R3HDM2: variants seen among roughly 807,000 people sequenced by gnomAD.
R3HDM2 encodes R3H domain-containing protein 2.
Under a neutral mutation model 124.5 loss-of-function variants are expected in R3HDM2, and 38 were observed. That is an observed-to-expected ratio of 0.31 (90% CI 0.24 to 0.40). The LOEUF (loss-of-function observed/expected upper bound fraction) is 0.40. Among genes scored for constraint, R3HDM2 ranks in the 10% least tolerant of loss-of-function variants. The pLI is 1.00. For synonymous variants in R3HDM2, 391 were observed against 448.0 expected (o/e 0.87, Z 1.61); for missense variants, 869 against 1,236.9 (o/e 0.70, Z 4.46).
intron 2 of R3HDM2, among the ~76,000 whole-genome samples, chr12:57,365,733 C>T (rs1032314436): frequency 1.3e-5 from 2 of 152,008 alleles, no homozygotes; most frequent in East Asian, 3.8e-4. Flanking sequence ...GTCAGGGGCT[C>T]GAGACCAGCC....
chr12:57,349,330 AGAT>A (rs2060417332), intron 2 of R3HDM2, among the ~76,000 whole-genome samples: 1 of 135,720 alleles, frequency 7.4e-6, no homozygotes, highest in Non-Finnish European at 1.5e-5. Context: ...CAGTGAGCCG[AGAT>A]CTCGCCACTG....
At chr12:57,335,102 AT>A in intron 2 of R3HDM2, among the ~76,000 whole-genome samples, 1 of 151,676 alleles carries the variant, frequency 6.6e-6, no homozygotes, top group Non-Finnish European at 1.5e-5. Flanking sequence ...TGATTGGGCC[AT>A]TGCACTCCAG....
intron 21 of R3HDM2, 26 bp downstream of exon 21, chr12:57,257,964 C>T (rs1486910904): frequency 1.4e-6 from 2 of 1,448,024 alleles, no homozygotes; most frequent in African/African-American, 1.4e-5. Context: ...AATTCCATAG[C>T]AGCCAGCACT....
intron 2 of R3HDM2, among the ~76,000 whole-genome samples, chr12:57,333,856 C>T (rs980502552): frequency 1.5e-4 from 23 of 151,614 alleles, no homozygotes; most frequent in South Asian, 8.3e-4. Context: ...GCCTGGCTAA[C>T]GTGGCGAAAC....
chr12:57,386,869 A>G (rs959113590), intron 2 of R3HDM2, among the ~76,000 whole-genome samples: 2 of 152,040 alleles, frequency 1.3e-5, no homozygotes, highest in Non-Finnish European at 2.9e-5. Flanking sequence ...TTGTGAATGC[A>G]CCAATTGGCA....
chr12:57,359,092 AT>A (rs568160743), intron 2 of R3HDM2, among the ~76,000 whole-genome samples: 1 of 151,996 alleles, frequency 6.6e-6, no homozygotes, highest in South Asian at 2.1e-4. Context: ...TAATTTTTGT[AT>A]TTTTAGTAGA....
At chr12:57,396,512 C>T (rs754481849) in intron 1 of R3HDM2, among the ~76,000 whole-genome samples, 15 of 151,864 alleles carry the variant, frequency 9.9e-5, no homozygotes, top group Non-Finnish European at 1.9e-4. Flanking sequence ...GGCACAGTGG[C>T]GCACGCCTGT....
chr12:57,257,327 T>C (rs1005726390), intron 21 of R3HDM2, among the ~76,000 whole-genome samples: 5 of 152,192 alleles, frequency 3.3e-5, no homozygotes, highest in African/African-American at 1.2e-4. Flanking sequence ...GTTAAACAAA[T>C]ATAAGACATG....
intron 1 of R3HDM2, among the ~76,000 whole-genome samples, chr12:57,421,301 A>G (rs2070168313): frequency 6.8e-6 from 1 of 147,164 alleles, no homozygotes; most frequent in South Asian, 2.2e-4. Context: ...ACAGGCATGC[A>G]CAACCACTCC....
chr12:57,325,840 GT>G (rs974164534), intron 2 of R3HDM2, among the ~76,000 whole-genome samples: 4 of 150,558 alleles, frequency 2.7e-5, no homozygotes, highest in Non-Finnish European at 5.9e-5. Flanking sequence ...ACTGTGCCTG[GT>G]TTTTTCTTTT....
chr12:57,428,530 C>G (rs1207676300), intron 1 of R3HDM2, among the ~76,000 whole-genome samples: 1 of 147,202 alleles, frequency 6.8e-6, no homozygotes, highest in Non-Finnish European at 1.5e-5. Context: ...GGGGGGGCAC[C>G]TGTAGTCCCA....
intron 1 of R3HDM2, among the ~76,000 whole-genome samples, chr12:57,418,707 C>T (rs1253097704): frequency 6.6e-6 from 1 of 151,870 alleles, no homozygotes; most frequent in African/African-American, 2.4e-5. Flanking sequence ...TACAGGCACC[C>T]ACCACCACGC....
chr12:57,373,882 C>G (rs1331141056), intron 2 of R3HDM2, among the ~76,000 whole-genome samples: 2 of 151,540 alleles, frequency 1.3e-5, no homozygotes, highest in African/African-American at 4.9e-5. Flanking sequence ...AATCCTAGCA[C>G]TTTGGGAGGC....
intron 2 of R3HDM2, among the ~76,000 whole-genome samples, chr12:57,331,386 C>A (rs2058168231): frequency 6.6e-6 from 1 of 152,168 alleles, no homozygotes; most frequent in Non-Finnish European, 1.5e-5. Context: ...ACCTCCTATA[C>A]CATTTCCTTG....
intron 1 of R3HDM2, among the ~76,000 whole-genome samples, chr12:57,411,213 T>G (rs778255776): frequency 1.3e-5 from 2 of 152,170 alleles, no homozygotes; most frequent in Non-Finnish European, 2.9e-5. Flanking sequence ...TTTTTGTTTG[T>G]TTTTTTGAGA....
At position 57,310,328 on chromosome 12, in the gene R3HDM2, T is replaced by A; in HGVS notation, c.101A>T (p.Lys34Met). 1 of 1,549,452 alleles carries A rather than the reference T, an allele frequency of 6.5e-7. No homozygotes were observed. The highest frequency in any genetic ancestry group is 8.7e-7 in the Non-Finnish European group (1 of 1,146,242). Reference protein sequence around the residue: ...ESVNKNKFISKTPSKEEIEKE... With the variant: ...ESVNKNKFISMTPSKEEIEKE... ...CTCAATTTCTTCCTTACTTGGAGTCTTAGATATAAACTTGTTTTTGTTTAC... is the reference window on the plus strand; with the variant it reads ...CTCAATTTCTTCCTTACTTGGAGTCATAGATATAAACTTGTTTTTGTTTAC... Residue 34 changes from lysine to methionine, a missense_variant, in exon 3 of 24, where the codon AAG becomes ATG. Lys to Met is a moderately conservative substitution (Grantham distance 95, BLOSUM62 -1). This residue lies in a region of R3HDM2 where 267 missense variants were observed against 447.7 expected (regional missense o/e 0.60). Transcript: ENST00000402412.
Position 57,296,218 on chromosome 12 carries a change from G to A in R3HDM2, c.701+193C>T, listed in dbSNP as rs1256274108. ...AAAGTAATAGAGATGGGATCTTGCT[G>A]TGTTGACCAGGCTGGTCTCGAACTC... is the stretch of plus-strand genomic sequence containing the variant. On this transcript the variant is annotated intron_variant, in intron 9 of 23. Coordinates refer to ENST00000402412, the MANE Select transcript of R3HDM2 (RefSeq NM_001394031.1). This position sits in a 1 kb window ranked among gnomAD's most constrained non-coding sequence, Gnocchi z 4.5. Among the ~76,000 whole-genome samples, 1 of 149,466 alleles carries A rather than the reference G, an allele frequency of 6.7e-6. No homozygotes were observed. The highest frequency in any genetic ancestry group is 1.5e-5 in the Non-Finnish European group (1 of 67,508).
At chr12:57,280,328 A>T in intron 14 of R3HDM2, 30 bp downstream of exon 14, 2 of 1,596,496 alleles carry the variant, frequency 1.3e-6, no homozygotes, top group Middle Eastern at 3.5e-4. Context: ...ATCAGAGTGG[A>T]GAGGACTCTG....
chr12:57,284,526 T>A (rs755208711), intron 12 of R3HDM2, among the ~76,000 whole-genome samples: 23 of 152,230 alleles, frequency 1.5e-4, no homozygotes, highest in Non-Finnish European at 2.8e-4. Flanking sequence ...GTCTTCCACA[T>A]AACACATGTC....
Sources: gnomAD v4.1 joint callset for allele counts (sites outside exome capture counted in the v4.1 genomes callset) on GRCh38, gnomAD v4.1.1 for gene constraint, gnomAD v4.1.1 regional missense constraint, Gnocchi (gnomAD v3.1) non-coding constraint, MANE v1.5 for transcripts, NCBI Gene and HGNC (gene_info 2026-07-23, HGNC 2026-07-21) for gene names.